The following WBP2NL variants were observed in gnomAD, a reference collection of about 807,000 sequenced individuals.
The protein encoded by WBP2NL is postacrosomal sheath WW domain-binding protein.
In WBP2NL, 27 loss-of-function variants were observed where a neutral mutation model predicts 23.3. The ratio of observed to expected loss-of-function variants is 1.16; its 90% CI spans 0.85 to 1.60. The LOEUF is 1.60. WBP2NL is among the 40% of genes most tolerant of loss of function. The probability of loss-of-function intolerance (pLI) is 0.00; values close to 1 mark genes in which losing one functional copy is unlikely to be tolerated. For synonymous variants in WBP2NL, 151 were observed against 145.9 expected (o/e 1.03, Z -0.25); for missense variants, 370 against 389.5 (o/e 0.95, Z 0.42).
chr22:42,013,990 C>T (rs1184996797), intron 1 of WBP2NL, among the ~76,000 whole-genome samples: 3 of 152,084 alleles, frequency 2.0e-5, no homozygotes, highest in Non-Finnish European at 4.4e-5. Flanking sequence ...CCATGTTGGT[C>T]AGGCTGGGCT....
intron 4 of WBP2NL, among the ~76,000 whole-genome samples, chr22:42,022,017 C>G (rs1321124235): frequency 6.6e-6 from 1 of 151,986 alleles, no homozygotes; most frequent in Middle Eastern, 3.2e-3. Flanking sequence ...CCAGGCTGGT[C>G]TTGAACTCCT....
chr22:42,001,234 G>A, intron 1 of WBP2NL: 1 of 700,472 alleles, frequency 1.4e-6, no homozygotes, highest in Non-Finnish European at 2.6e-6. Context: ...CAGTTCCTTT[G>A]CATCCTGACT....
chr22:42,001,760 G>T (rs1216297155), intron 1 of WBP2NL: 13 of 1,208,088 alleles, frequency 1.1e-5, no homozygotes, highest in Non-Finnish European at 1.6e-5. Flanking sequence ...TACCGCACCA[G>T]GACAGGACTC....
chr22:42,026,131 G>C lies in WBP2NL; in HGVS notation c.515-635G>C, dbSNP rs1290587393. On this transcript the variant is annotated intron_variant, in intron 5 of 5. Transcript: ENST00000328823. ...CTAAAAATACAAAAAAATTAGCTGG[G>C]CATGGTGGCGGGTGCTTGTAGTCCC... Among the ~76,000 whole-genome samples, 3 of 151,814 alleles carry C rather than the reference G, an allele frequency of 2.0e-5. No homozygotes were observed. The East Asian group carries it at 5.8e-4, about 29-fold the overall frequency.
chr22:42,004,755 C>G (rs1922046891), intron 1 of WBP2NL, among the ~76,000 whole-genome samples: 1 of 152,024 alleles, frequency 6.6e-6, no homozygotes, highest in Non-Finnish European at 1.5e-5. Flanking sequence ...GAAACCCCAT[C>G]TCTACTAAAA....
intron 1 of WBP2NL, chr22:42,001,793 C>A: frequency 8.2e-7 from 1 of 1,215,240 alleles, no homozygotes; most frequent in Non-Finnish European, 1.2e-6. Context: ...GAATACAGAC[C>A]ATGCAGTCTC....
intron 1 of WBP2NL, chr22:42,001,217 A>C (rs1602433844): frequency 1.4e-6 from 1 of 721,650 alleles, no homozygotes. Flanking sequence ...GCCTGTGTAC[A>C]TGATGTCAGT....
intron 4 of WBP2NL, among the ~76,000 whole-genome samples, chr22:42,021,376 G>A (rs74676694): frequency 0.03 from 4,563 of 152,250 alleles, 222 homozygotes; most frequent in African/African-American, 0.1. Context: ...CAGTGTGGTA[G>A]GCTGATAATG....
Position 42,027,085 on chromosome 22 carries a change from T to C in WBP2NL, c.834T>C (p.Ala278=), listed in dbSNP as rs1924585315. The change falls in exon 6 of 6, where the codon GCT becomes GCC. Residue 278 remains alanine (A), a synonymous_variant. Coordinates refer to ENST00000328823, the MANE Select transcript of WBP2NL (RefSeq NM_152613.3). ...GPPAGYRASP[A]GSGARPQEST... is the part of the protein sequence containing the mutation. ...CTGCGGGATACAGAGCCTCACCTGC[T>C]GGATCAGGAGCCAGGCCTCAGGAAT... The C allele has an allele frequency of 1.4e-5, 22 of 1,613,990 alleles. No individual in the cohort carries two copies. Among genetic ancestry groups the C allele is most frequent in the Non-Finnish European group, 1.8e-5 (21 of 1,179,932 alleles).
intron 8 of WBP2NL, among the ~76,000 whole-genome samples, chr22:42,047,471 T>C (rs911283802): frequency 1.3e-5 from 2 of 151,068 alleles, no homozygotes; most frequent in Non-Finnish European, 3.0e-5. Flanking sequence ...GTGCCTGTAA[T>C]CCCAGCTACT....
At chr22:42,013,554 G>A (rs762365053) in intron 1 of WBP2NL, among the ~76,000 whole-genome samples, 19 of 152,092 alleles carry the variant, frequency 1.2e-4, no homozygotes, top group Admixed American at 2.0e-4. Flanking sequence ...ATTCTACTTG[G>A]AGTTTGTTGC....
rs2301521 is a variant in WBP2NL at position 42,027,106 on chromosome 22, G to T, written c.855G>T (p.Gln285His). The change falls in exon 6 of 6, where the codon CAG becomes CAT. Residue 285 changes from glutamine (Q) to histidine (H), a missense_variant. Coordinates refer to ENST00000328823, the MANE Select transcript of WBP2NL (RefSeq NM_152613.3). ...ASPAGSGARP[Q>H]ESTAAQAPEN... The stretch of plus-strand genomic sequence containing the variant: ...CTGCTGGATCAGGAGCCAGGCCTCA[G>T]GAATCTACAGCAGCCCAGGCTCCTG... 13 of 1,614,028 alleles carry T rather than the reference G, an allele frequency of 8.1e-6. No individual in the cohort carries two copies. The highest frequency in any genetic ancestry group is 1.1e-5 in the South Asian group (1 of 91,090).
At chr22:42,047,711 T>G (rs1196096205) in intron 8 of WBP2NL, among the ~76,000 whole-genome samples, 1 of 143,344 alleles carries the variant, frequency 7.0e-6, no homozygotes, top group Non-Finnish European at 1.5e-5. Context: ...AAGCTCCGCC[T>G]CCCGGGTTCA....
intron 8 of WBP2NL, among the ~76,000 whole-genome samples, chr22:42,044,430 G>A (rs900140937): frequency 2.6e-5 from 4 of 152,026 alleles, no homozygotes; most frequent in East Asian, 1.9e-4. Flanking sequence ...TTTCAGAGGG[G>A]ACAAACATTC....
At chr22:42,010,661 C>T (rs565415442) in intron 1 of WBP2NL, among the ~76,000 whole-genome samples, 1 of 152,276 alleles carries the variant, frequency 6.6e-6, no homozygotes, top group African/African-American at 2.4e-5. Context: ...GCCTCAGCCT[C>T]CTGAGTAGCT....
chr22:42,003,544 A>T lies in WBP2NL; in HGVS notation c.62+4664A>T, dbSNP rs928899819. On this transcript the variant is annotated intron_variant, in intron 1 of 5. Coordinates refer to ENST00000328823, the MANE Select transcript of WBP2NL (RefSeq NM_152613.3). Reference sequence around the variant, plus strand: ...AGTTGACTAAAAATAAATTTTTTTTAAAAAAAGAAAAATCCGAATAAAGCA... The same window carrying T: ...AGTTGACTAAAAATAAATTTTTTTTTAAAAAAGAAAAATCCGAATAAAGCA... 4.0e-5 allele frequency: 6 copies of T among 150,230 alleles called. 1 individual carries two copies. Among genetic ancestry groups the T allele is most frequent in the South Asian group, 4.1e-4 (2 of 4,828 alleles). The allele number at this position is 150,230 out of a possible 1,614,324, so 9.3% of individuals were successfully genotyped here. A position where few individuals can be genotyped will look rare whatever the true frequency, so the allele number is the denominator to read the frequency against.
Position 42,026,969 on chromosome 22 carries a change from GCCCCACCTCTTGGATATGGAA to G in WBP2NL, c.729_749del (p.Thr247_Gly253del), listed in dbSNP as rs766430122. On this transcript the variant is annotated inframe_deletion, in exon 6 of 6. Coordinates refer to ENST00000328823, the MANE Select transcript of WBP2NL (RefSeq NM_152613.3). ...TGGAGCCCCACCTCTAGGATATGGA[GCCCCACCTCTTGGATATGGAA>G]CCCCACCTCTCGGATATGGAGCCCC... is the stretch of plus-strand genomic sequence containing the variant. 66 of 1,612,358 alleles carry G rather than the reference GCCCCACCTCTTGGATATGGAA, an allele frequency of 4.1e-5. No individual in the cohort carries two copies. The African/African-American group carries it at 6.6e-4, about 16-fold the overall frequency.
intron 1 of WBP2NL, among the ~76,000 whole-genome samples, chr22:42,008,621 G>A (rs1418268201): frequency 1.3e-5 from 2 of 151,982 alleles, no homozygotes; most frequent in African/African-American, 4.8e-5. Flanking sequence ...ATGCTCATTG[G>A]CCATTTGTGT....
At chr22:42,051,847 C>G (rs1478057737) in intron 8 of WBP2NL, among the ~76,000 whole-genome samples, 1 of 152,190 alleles carries the variant, frequency 6.6e-6, no homozygotes, top group African/African-American at 2.4e-5. Context: ...AATTAGCTCA[C>G]TTAATTCCTG....
Sources: gnomAD v4.1 joint callset for allele counts (sites outside exome capture counted in the v4.1 genomes callset) on GRCh38, gnomAD v4.1.1 for gene constraint, MANE v1.5 for transcripts, NCBI Gene and HGNC (gene_info 2026-07-23, HGNC 2026-07-21) for gene names.